The following IL1R2 variants were observed in gnomAD, a reference collection of about 807,000 sequenced individuals.
IL1R2 encodes interleukin 1 receptor type 2, also known as interleukin-1 receptor type 2.
A neutral mutation model predicts 39.5 loss-of-function variants in IL1R2; 46 were observed. That is an observed-to-expected ratio of 1.16 (90% CI 0.92 to 1.49). The LOEUF (loss-of-function observed/expected upper bound fraction) is 1.49, where lower values mean the gene tolerates loss of function less well. IL1R2 is among the 40% of genes most tolerant of loss of function. IL1R2 has a pLI of 0.00. For synonymous variants in IL1R2, 207 were observed against 189.6 expected, an observed-to-expected ratio of 1.09 and a Z score of -0.75; for missense variants, 537 against 502.0, an observed-to-expected ratio of 1.07 and a Z score of -0.67.
rs1436557638 is a variant in IL1R2, at chr2:102,011,775, AT to A, written c.332+1956del. The stretch of plus-strand genomic sequence containing the variant: ...AATTTTGATCAAGTCCAGTTTATCT[AT>A]TTTTTTCTTTTGTTGCCTGTGCTTT... On this transcript the variant is annotated intron_variant, in intron 3 of 8. Coordinates refer to ENST00000332549, the MANE Select transcript of IL1R2 (RefSeq NM_004633.4). 3.2e-4 allele frequency among the ~76,000 whole-genome samples: 49 copies of A among 152,078 alleles called. 1 individual carries two copies. The highest frequency in any genetic ancestry group is 1.6e-4 in the Non-Finnish European group (11 of 67,990).
Position 102,024,561 on chromosome 2 carries a change from G to A in IL1R2, c.780G>A (p.Val260=). The A allele has an allele frequency of 6.2e-7, 1 of 1,614,088 alleles. No individual in the cohort carries two copies. Among genetic ancestry groups the A allele is most frequent in the East Asian group, 2.2e-5 (1 of 44,874 alleles). ...CAAGACTGACAATCCCGTGTAAGGT[G>A]TTTCTGGGAACCGGCACACCCTTAA... ...LGSRLTIPCK[V]FLGTGTPLTT... Residue 260 remains valine (V), a synonymous_variant, in exon 7 of 9, where the codon GTG becomes GTA. Transcript: ENST00000332549.
Position 102,028,288 on chromosome 2 carries a change from G to C in IL1R2, c.1093G>C (p.Gly365Arg), listed in dbSNP as rs748144607. The C allele has an allele frequency of 2.5e-6, 4 of 1,612,744 alleles. No individual in the cohort carries two copies. Among genetic ancestry groups the C allele is most frequent in the East Asian group, 2.2e-5 (1 of 44,888 alleles). ...APLSLAFLVL[G>R]GIWMHRRCKH... The stretch of plus-strand genomic sequence containing the variant: ...ACTTTCACTGGCCTTCTTGGTTTTG[G>C]GGGGAATATGGATGCACAGACGGTG... Residue 365 changes from glycine (G) to arginine (R), a missense_variant, in exon 9 of 9, where the codon GGG becomes CGG. Physicochemically the swap from Gly to Arg is moderately radical, Grantham distance 125 (BLOSUM62 -2). Coordinates refer to ENST00000332549, the MANE Select transcript of IL1R2 (RefSeq NM_004633.4).
intron 8 of IL1R2, among the ~76,000 whole-genome samples, chr2:102,027,247 C>T (rs1319029097): frequency 2.0e-5 from 3 of 152,138 alleles, no homozygotes; most frequent in South Asian, 2.1e-4. Flanking sequence ...TGAAGGGTGG[C>T]GTTTCAGATC....
At chr2:102,020,809 T>C (rs577734856) in intron 5 of IL1R2, among the ~76,000 whole-genome samples, 18 of 152,194 alleles carry the variant, frequency 1.2e-4, no homozygotes, top group Non-Finnish European at 2.4e-4. Flanking sequence ...GCAGCCGCCC[T>C]ACATGCCTGT....
intron 8 of IL1R2, among the ~76,000 whole-genome samples, chr2:102,026,505 T>C (rs1180893278): frequency 6.6e-6 from 1 of 152,224 alleles, no homozygotes; most frequent in Admixed American, 6.5e-5. Flanking sequence ...GAAATGGTTC[T>C]ACAGTAAACT....
intron 1 of IL1R2, among the ~76,000 whole-genome samples, chr2:101,996,255 G>A (rs1675580386): frequency 1.3e-5 from 2 of 152,264 alleles, no homozygotes; most frequent in Non-Finnish European, 2.9e-5. Context: ...CAAGGAGCGA[G>A]CTGGCCAGGC....
At chr2:102,020,680 G>T (rs1045031484) in intron 5 of IL1R2, among the ~76,000 whole-genome samples, 1 of 152,206 alleles carries the variant, frequency 6.6e-6, no homozygotes. Context: ...TTACAGTCCT[G>T]TGAGGATTCG....
rs34375427 is a variant in IL1R2, at chr2:101,999,868, C to T, written c.-62+7857C>T. Among the ~76,000 whole-genome samples, 1,651 of 152,198 alleles carry T rather than the reference C, an allele frequency of 0.011. 101 individuals carry two copies. The East Asian group carries it at 0.18, about 16-fold the overall frequency. On this transcript the variant is annotated intron_variant, in intron 1 of 8. Transcript: ENST00000332549. ...GAATTGTGTGTTTATATGTTAAGCA[C>T]GCAACATTTATATTGTGTATTTTAT... is the stretch of plus-strand genomic sequence containing the variant.
chr2:102,014,361 C>G (rs1014954340), intron 3 of IL1R2, among the ~76,000 whole-genome samples: 3 of 152,226 alleles, frequency 2.0e-5, no homozygotes, highest in Admixed American at 2.0e-4. Context: ...AGCACAGGGT[C>G]TGGCCTGCAT....
intron 4 of IL1R2, among the ~76,000 whole-genome samples, chr2:102,017,396 C>CAAAAAAAAAA (rs1397333962): frequency 1.1e-5 from 1 of 93,876 alleles, no homozygotes; most frequent in African/African-American, 3.8e-5. Flanking sequence ...GACTCCATCT[C>CAAAAAAAAAA]AGAAAAAAAA....
intron 4 of IL1R2, among the ~76,000 whole-genome samples, chr2:102,019,070 T>C (rs1348364125): frequency 6.6e-6 from 1 of 152,216 alleles, no homozygotes; most frequent in Non-Finnish European, 1.5e-5. Context: ...TTCTATTTCC[T>C]GGAGGCCTTG....
In IL1R2 at chr2:102,024,267, C is replaced by G. The variant is rs112683386; in HGVS notation, c.752-266C>G. Among the ~76,000 whole-genome samples the G allele has an allele frequency of 3.5e-3, 528 of 152,166 alleles. 2 individuals carry two copies. The highest frequency in any genetic ancestry group is 5.7e-3 in the Non-Finnish European group (385 of 68,012). ...TTGAATTTAGCATGTCCCGTGGGAG[C>G]GCAGGGGCCCTGGTGAAGCCATTTA... On this transcript the variant is annotated intron_variant, in intron 6 of 8. Coordinates refer to ENST00000332549, the MANE Select transcript of IL1R2 (RefSeq NM_004633.4).
chr2:101,999,185 C>T (rs1338277072), intron 1 of IL1R2: 3 of 152,348 alleles, frequency 2.0e-5, no homozygotes, highest in Non-Finnish European at 4.4e-5. Flanking sequence ...CTCAGATCTT[C>T]CTGTCCTTGT....
chr2:101,993,091 T>A (rs1318984911), intron 1 of IL1R2, among the ~76,000 whole-genome samples: 3 of 151,914 alleles, frequency 2.0e-5, no homozygotes, highest in Non-Finnish European at 4.4e-5. Context: ...GCACGTGGGA[T>A]GTGCACTGAA....
intron 1 of IL1R2, among the ~76,000 whole-genome samples, chr2:102,007,479 A>T (rs1045392443): frequency 1.3e-5 from 2 of 152,216 alleles, no homozygotes; most frequent in Non-Finnish European, 2.9e-5. Context: ...TCATTCATTC[A>T]TTCAAAAAAT....
chr2:102,019,908 T>C (rs1418516459), intron 5 of IL1R2, 96 bp downstream of exon 5: 1 of 1,049,816 alleles, frequency 9.5e-7, no homozygotes, highest in Non-Finnish European at 1.4e-6. Flanking sequence ...TGCAGGTCTT[T>C]GGAATGAAGG....
At chr2:102,025,142 C>A (rs1677654002) in intron 7 of IL1R2, among the ~76,000 whole-genome samples, 1 of 152,154 alleles carries the variant, frequency 6.6e-6, no homozygotes, top group African/African-American at 2.4e-5. Flanking sequence ...GAATTCAGTT[C>A]TCATAAGCAG....
At chr2:102,003,214 C>G (rs1248070865) in intron 1 of IL1R2, among the ~76,000 whole-genome samples, 7 of 151,234 alleles carry the variant, frequency 4.6e-5, no homozygotes, top group Non-Finnish European at 1.0e-4. Context: ...ATGTCTATAT[C>G]TGTGTCTGTG....
At chr2:102,028,075 G>A in intron 8 of IL1R2, 151 bp from the exon 9 acceptor site, 2 of 606,384 alleles carry the variant, frequency 3.3e-6, no homozygotes, top group South Asian at 3.1e-5. Context: ...CCTCCATGTT[G>A]GTGTGAGGGA....
Sources: gnomAD v4.1 joint callset for allele counts (sites outside exome capture counted in the v4.1 genomes callset) on GRCh38, gnomAD v4.1.1 for gene constraint, MANE v1.5 for transcripts, NCBI Gene and HGNC (gene_info 2026-07-23, HGNC 2026-07-21) for gene names.